KNTC1: variants seen among roughly 807,000 people sequenced by gnomAD.
KNTC1 encodes the protein kinetochore associated 1.
In KNTC1, 253 loss-of-function variants were observed where a neutral mutation model predicts 314.4. That is an observed-to-expected ratio of 0.80 (90% CI 0.73 to 0.89). The LOEUF is 0.89. Ranked by LOEUF, KNTC1 falls within the 40% of genes least tolerant of loss-of-function variation. The pLI, the probability that KNTC1 is intolerant of heterozygous loss-of-function variation, is 0.00. For missense variants in KNTC1, 2,475 were observed against 2,572.9 expected, an observed-to-expected ratio of 0.96 and a Z score of 0.82; for synonymous variants, 901 against 901.4, an observed-to-expected ratio of 1.00 and a Z score of 0.01.
At chr12:122,553,267 G>A (rs1224087168) in intron 16 of KNTC1, among the ~76,000 whole-genome samples, 7 of 152,130 alleles carry the variant, frequency 4.6e-5, no homozygotes, top group Admixed American at 3.9e-4. Flanking sequence ...CTCTGGCTAA[G>A]CATACACATT....
intron 24 of KNTC1, among the ~76,000 whole-genome samples, chr12:122,572,502 TCTTG>T (rs1200263844): frequency 6.6e-6 from 1 of 152,204 alleles, no homozygotes; most frequent in African/African-American, 2.4e-5. Flanking sequence ...AGCTTTTTCC[TCTTG>T]CTGTAAAACA....
At chr12:122,599,859 AT>A (rs1002810410) in intron 44 of KNTC1, among the ~76,000 whole-genome samples, 3 of 152,144 alleles carry the variant, frequency 2.0e-5, no homozygotes, top group African/African-American at 7.2e-5. Flanking sequence ...ACTACAAAAA[AT>A]TTTTTTAATT....
intron 21 of KNTC1, among the ~76,000 whole-genome samples, chr12:122,568,968 C>G (rs1242209924): frequency 6.6e-6 from 1 of 152,028 alleles, no homozygotes; most frequent in Non-Finnish European, 1.5e-5. Context: ...TTCTTGGGAG[C>G]TAAATGATGA....
rs1874541430 is a variant in KNTC1, at chr12:122,622,448, C to T, written c.6370-14C>T. 6.5e-7 allele frequency: 1 copy of T among 1,546,902 alleles called. No individual in the cohort carries two copies. Among genetic ancestry groups the T allele is most frequent in the African/African-American group, 1.4e-5 (1 of 73,496 alleles). On this transcript the variant is annotated splice_polypyrimidine_tract_variant and intron_variant, in intron 61 of 63. Transcript: ENST00000333479. ...ATTAGAAGTCTGATCTTAATGATACCTGTCATTCTATAGATTAGAAGTCTG... is the reference window on the plus strand; with the variant it reads ...ATTAGAAGTCTGATCTTAATGATACTTGTCATTCTATAGATTAGAAGTCTG...
chr12:122,625,492 A>G (rs751719194), intron 63 of KNTC1, among the ~76,000 whole-genome samples: 60 of 151,728 alleles, frequency 4.0e-4, no homozygotes, highest in Non-Finnish European at 2.1e-4. Flanking sequence ...GCTTGAACCC[A>G]GGAGTCAGAG....
intron 44 of KNTC1, among the ~76,000 whole-genome samples, chr12:122,600,417 T>C (rs1317621736): frequency 6.6e-6 from 1 of 152,116 alleles, no homozygotes; most frequent in African/African-American, 2.4e-5. Flanking sequence ...TTTCTTTTTG[T>C]GTTAATATGT....
chr12:122,556,617 C>T (rs1272571258), intron 16 of KNTC1, among the ~76,000 whole-genome samples: 2 of 151,526 alleles, frequency 1.3e-5, no homozygotes, highest in African/African-American at 4.9e-5. Flanking sequence ...GGATTACAGG[C>T]GCCCACTAAC....
chr12:122,570,973 A>G (rs745593379), intron 23 of KNTC1, 41 bp downstream of exon 23: 1 of 1,593,820 alleles, frequency 6.3e-7, no homozygotes, highest in Non-Finnish European at 8.6e-7. Context: ...CATTTTGCAC[A>G]CTCCCAACAG....
At chr12:122,543,037 C>A (rs1482153626) in intron 6 of KNTC1, among the ~76,000 whole-genome samples, 27 of 152,044 alleles carry the variant, frequency 1.8e-4, no homozygotes. Context: ...CTCAGTCTCC[C>A]AAGTAACTGG....
intron 16 of KNTC1, among the ~76,000 whole-genome samples, chr12:122,553,156 CA>C (rs913924496): frequency 2.9e-5 from 4 of 136,270 alleles, no homozygotes; most frequent in Middle Eastern, 3.9e-3. Context: ...GACTCTGTCT[CA>C]GGGAAAAAAA....
Position 122,613,659 on chromosome 12 carries a change from A to G in KNTC1, c.5775A>G (p.Ser1925=), listed in dbSNP as rs1279306041. ...TGAGATGTATAACTTTTCTGGCATCATTTGAGACTTTGAATATCCCCATCA... is the reference window on the plus strand; with the variant it reads ...TGAGATGTATAACTTTTCTGGCATCGTTTGAGACTTTGAATATCCCCATCA... The part of the protein sequence containing the change: ...SYLRCITFLA[S]FETLNIPITY... The change falls in exon 55 of 64, where the codon TCA becomes TCG. Residue 1925 remains serine, a synonymous_variant. Coordinates refer to ENST00000333479, the MANE Select transcript of KNTC1 (RefSeq NM_014708.6). 3 of 1,612,118 alleles carry G rather than the reference A, an allele frequency of 1.9e-6. No homozygotes were observed. The highest frequency in any genetic ancestry group is 2.5e-6 in the Non-Finnish European group (3 of 1,179,302).
intron 1 of KNTC1, chr12:122,527,621 C>A (rs1292519411): frequency 1.3e-5 from 2 of 152,260 alleles, no homozygotes; most frequent in African/African-American, 4.8e-5. Flanking sequence ...TCAGACCACT[C>A]GTTTGCTGAG....
At chr12:122,601,832 CT>C in intron 45 of KNTC1, 18 of 463,690 alleles carry the variant, frequency 3.9e-5, no homozygotes, top group Non-Finnish European at 5.0e-5. Flanking sequence ...TATCTTCATC[CT>C]TTTTTTGCTG....
At chr12:122,591,218 G>A (rs1870144470) in intron 41 of KNTC1, 119 bp from the exon 42 acceptor site, 1 of 696,408 alleles carries the variant, frequency 1.4e-6, no homozygotes, top group Admixed American at 2.2e-5. Flanking sequence ...AAAATAATAT[G>A]TAACATTCTA....
intron 2 of KNTC1, among the ~76,000 whole-genome samples, chr12:122,533,871 C>G (rs1565926605): frequency 6.6e-6 from 1 of 150,702 alleles, no homozygotes; most frequent in African/African-American, 2.5e-5. Context: ...GTGCAGGGCT[C>G]TCTCATAAGC....
At chr12:122,589,677 G>A (rs1217211568) in intron 40 of KNTC1, among the ~76,000 whole-genome samples, 2 of 150,792 alleles carry the variant, frequency 1.3e-5, no homozygotes, top group African/African-American at 4.9e-5. Context: ...TCACTGTGTT[G>A]CCCAGGCTGG....
intron 52 of KNTC1, among the ~76,000 whole-genome samples, chr12:122,610,184 T>G (rs1769421302): frequency 6.6e-6 from 1 of 152,150 alleles, no homozygotes; most frequent in African/African-American, 2.4e-5. Context: ...CACCTTGGCC[T>G]CATTTAGTCT....
intron 24 of KNTC1, 95 bp downstream of exon 24, chr12:122,571,221 T>A: frequency 1.2e-6 from 1 of 821,590 alleles, no homozygotes; most frequent in Non-Finnish European, 1.8e-6. Flanking sequence ...ATATATCTAC[T>A]TCTTAAATTT....
At chr12:122,605,275 G>A (rs1872467597) in intron 50 of KNTC1, 31 bp from the exon 51 acceptor site, 1 of 1,423,894 alleles carries the variant, frequency 7.0e-7, no homozygotes, top group African/African-American at 1.4e-5. Flanking sequence ...TAAAACTTGA[G>A]TTTTTCTTTT....
Sources: gnomAD v4.1 joint callset for allele counts (sites outside exome capture counted in the v4.1 genomes callset) on GRCh38, gnomAD v4.1.1 for gene constraint, MANE v1.5 for transcripts, NCBI Gene and HGNC (gene_info 2026-07-23, HGNC 2026-07-21) for gene names.